The following FBXL4 variants were observed in gnomAD, a reference collection of about 807,000 sequenced individuals.
FBXL4 encodes the protein F-box/LRR-repeat protein 4.
Under a neutral mutation model 58.9 loss-of-function variants are expected in FBXL4, and 40 were observed. The observed-to-expected ratio is 0.68, with a 90% CI of 0.53 to 0.88. The LOEUF is 0.88. FBXL4 is among the 40% of genes least tolerant of loss of function. FBXL4 has a pLI of 0.00. For synonymous variants in FBXL4, 263 were observed against 265.5 expected (o/e 0.99, Z 0.09); for missense variants, 676 against 734.4 (o/e 0.92, Z 0.92).
chr6:98,889,763 G>C (rs1056163072), intron 7 of FBXL4, among the ~76,000 whole-genome samples: 2 of 151,894 alleles, frequency 1.3e-5, no homozygotes, highest in East Asian at 1.9e-4. Context: ...TGGAAGTTTG[G>C]TGTATGCAGA....
At chr6:98,929,605 T>C (rs1369684751) in intron 2 of FBXL4, among the ~76,000 whole-genome samples, 1 of 146,386 alleles carries the variant, frequency 6.8e-6, no homozygotes, top group Non-Finnish European at 1.5e-5. Context: ...AGAAAGTCAA[T>C]GAGCAGAAAA....
intron 8 of FBXL4, among the ~76,000 whole-genome samples, chr6:98,876,953 C>T (rs1770684381): frequency 6.6e-6 from 1 of 152,076 alleles, no homozygotes; most frequent in African/African-American, 2.4e-5. Context: ...TACATAAAAA[C>T]TGACACAAAA....
At chr6:98,917,261 A>T (rs1027226536) in intron 5 of FBXL4, 113 bp downstream of exon 5, 14 of 681,172 alleles carry the variant, frequency 2.1e-5, no homozygotes, top group Non-Finnish European at 2.9e-5. Context: ...AACACATCAA[A>T]TTATATATAA....
rs544063372 is a variant in FBXL4 at position 98,893,091 on chromosome 6, A to AT, written c.1317+6176dup. Reference sequence around the variant, plus strand: ...GCCCCACTTTCACCCCTGACTCCAGATTTTTTTTTTCCCCAAACAGAGAAA... The same window carrying AT: ...GCCCCACTTTCACCCCTGACTCCAGATTTTTTTTTTTCCCCAAACAGAGAAA... On this transcript the variant is annotated intron_variant, in intron 7 of 9. Coordinates refer to ENST00000369244, the MANE Select transcript of FBXL4 (RefSeq NM_001278716.2). 4.7e-5 allele frequency among the ~76,000 whole-genome samples: 7 copies of AT among 150,394 alleles called. No homozygotes were observed. The East Asian group carries it at 5.8e-4, about 13-fold the overall frequency.
At chr6:98,920,405 T>C (rs775266016) in intron 4 of FBXL4, among the ~76,000 whole-genome samples, 27 of 152,258 alleles carry the variant, frequency 1.8e-4, no homozygotes, top group Admixed American at 5.2e-4. Flanking sequence ...CTGCAAAAAT[T>C]ATACTTAAAG....
intron 5 of FBXL4, among the ~76,000 whole-genome samples, chr6:98,912,861 A>C (rs1772151869): frequency 6.6e-6 from 1 of 152,140 alleles, no homozygotes; most frequent in Non-Finnish European, 1.5e-5. Flanking sequence ...TAAATGCTCC[A>C]ATTAAAAGAC....
rs773070413 is a variant in FBXL4, at chr6:98,870,444, G to A, written c.*3834C>T. 3 of 152,178 alleles carry A rather than the reference G, an allele frequency of 2.0e-5. No individual in the cohort carries two copies. The highest frequency in any genetic ancestry group is 1.3e-4 in the Admixed American group (2 of 15,280). 9.4% of individuals were successfully genotyped at this position (152,178 alleles called of 1,614,324 possible). A position where few individuals can be genotyped will look rare whatever the true frequency, so the allele number is the denominator to read the frequency against. On this transcript the variant is annotated 3_prime_UTR_variant, in exon 10 of 10. Transcript: ENST00000369244. ...TATTGGAACATGGCCACACTCATTC[G>A]TTTAGGTACTGTCTATGATTGCTTT...
chr6:98,946,565 G>C (rs1309635493), intron 1 of FBXL4, among the ~76,000 whole-genome samples: 2 of 152,224 alleles, frequency 1.3e-5, no homozygotes, highest in East Asian at 1.9e-4. Context: ...CCATTGTACA[G>C]AGTACTATAA....
Position 98,899,451 on chromosome 6 carries a change from T to TTTA in FBXL4, c.1133_1134insTAA (p.Val378_Arg379insLys). ...AGTGGCTGCAAGACAATTCAAGGCG[T>TTTA]ACTAATTCGGATCCACAAACCTTCA... On this transcript the variant is annotated inframe_insertion, in exon 7 of 10. Coordinates refer to ENST00000369244, the MANE Select transcript of FBXL4 (RefSeq NM_001278716.2). The TTTA allele has an allele frequency of 6.2e-7, 1 of 1,613,774 alleles. No individual in the cohort carries two copies. The highest frequency in any genetic ancestry group is 8.5e-7 in the Non-Finnish European group (1 of 1,179,840).
chr6:98,906,819 C>G (rs569486127), intron 5 of FBXL4, among the ~76,000 whole-genome samples: 1 of 152,304 alleles, frequency 6.6e-6, no homozygotes, highest in South Asian at 2.1e-4. Context: ...TCTCCACATT[C>G]TCTCCAGCAT....
intron 7 of FBXL4, among the ~76,000 whole-genome samples, chr6:98,882,864 C>T (rs1243855571): frequency 1.3e-5 from 2 of 151,962 alleles, no homozygotes; most frequent in Non-Finnish European, 2.9e-5. Context: ...TATTTAGTTG[C>T]TTACAATTTT....
chr6:98,875,924 T>C (rs1261433208), intron 8 of FBXL4, among the ~76,000 whole-genome samples, 197 bp from the exon 9 acceptor site: 1 of 152,212 alleles, frequency 6.6e-6, no homozygotes, highest in Non-Finnish European at 1.5e-5. Flanking sequence ...CTCATTTATT[T>C]AAAAATCCAT....
At chr6:98,898,745 GAGTT>G (rs2128388897) in intron 7 of FBXL4, 1 of 985,044 alleles carries the variant, frequency 1.0e-6, no homozygotes, top group Non-Finnish European at 1.2e-6. Context: ...TACAGTAAAA[GAGTT>G]AGATAATATA....
intron 1 of FBXL4, among the ~76,000 whole-genome samples, chr6:98,947,566 G>A (rs1489715235): frequency 6.6e-6 from 1 of 152,204 alleles, no homozygotes; most frequent in African/African-American, 2.4e-5. Context: ...AGACTGTAGC[G>A]TAGAAAGAGC....
Position 98,875,744 on chromosome 6 carries a change from T to C in FBXL4, c.1390-17A>G, listed in dbSNP as rs752105736. On this transcript the variant is annotated splice_polypyrimidine_tract_variant and intron_variant, in intron 8 of 9. Coordinates refer to ENST00000369244, the MANE Select transcript of FBXL4 (RefSeq NM_001278716.2). ...GTCTTCAATCTGGAAATCAAATAAT[T>C]CCAATCTTTTACATGTTATGCTCAG... 1.9e-6 allele frequency: 3 copies of C among 1,610,268 alleles called. No homozygotes were observed. The highest frequency in any genetic ancestry group is 2.5e-6 in the Non-Finnish European group (3 of 1,177,760).
chr6:98,920,034 T>C (rs1464986978), intron 4 of FBXL4, among the ~76,000 whole-genome samples: 1 of 152,098 alleles, frequency 6.6e-6, no homozygotes, highest in South Asian at 2.1e-4. Flanking sequence ...ACTGAAAATA[T>C]AATAAAGAAA....
At chr6:98,910,438 G>C (rs966602740) in intron 5 of FBXL4, among the ~76,000 whole-genome samples, 1 of 152,094 alleles carries the variant, frequency 6.6e-6, no homozygotes, top group Non-Finnish European at 1.5e-5. Flanking sequence ...TGGATCACGA[G>C]GTCAGGAGAT....
intron 6 of FBXL4, among the ~76,000 whole-genome samples, chr6:98,900,808 C>T (rs1221191128): frequency 6.6e-6 from 1 of 152,148 alleles, no homozygotes; most frequent in African/African-American, 2.4e-5. Context: ...ATTCTAAATT[C>T]AAACTTGTAT....
chr6:98,928,965 G>A (rs1395205738), intron 2 of FBXL4, among the ~76,000 whole-genome samples: 1 of 152,074 alleles, frequency 6.6e-6, no homozygotes, highest in African/African-American at 2.4e-5. Flanking sequence ...ATTTTTATGA[G>A]ATATATACCT....
Sources: allele counts gnomAD v4.1 joint callset (sites outside exome capture counted in the v4.1 genomes callset), GRCh38; gene constraint gnomAD v4.1.1; transcripts MANE v1.5; gene names NCBI Gene and HGNC (gene_info 2026-07-23, HGNC 2026-07-21).